Variants in GALNTL6 observed in about 807,000 individuals in gnomAD.
GALNTL6 encodes the protein polypeptide N-acetylgalactosaminyltransferase like 6.
GALNTL6 carries 46 observed loss-of-function variants against 73.7 expected under a neutral mutation model. The ratio of observed to expected loss-of-function variants is 0.62; its 90% CI spans 0.49 to 0.80. The LOEUF is 0.80. GALNTL6 is among the 30% of genes least tolerant of loss of function. GALNTL6 has a pLI of 0.00. For synonymous variants in GALNTL6, 259 were observed against 263.7 expected (o/e 0.98, Z 0.17); for missense variants, 604 against 755.0 (o/e 0.80, Z 2.34).
chr4:172,476,374 C>T (rs199759052), intron 5 of GALNTL6, among the ~76,000 whole-genome samples: 1 of 152,158 alleles, frequency 6.6e-6, no homozygotes, highest in Non-Finnish European at 1.5e-5. Context: ...GCCCCACATC[C>T]CGATACCATC....
intron 5 of GALNTL6, among the ~76,000 whole-genome samples, chr4:172,795,495 T>C (rs140824956): frequency 1.3e-3 from 200 of 152,318 alleles, no homozygotes; most frequent in Non-Finnish European, 2.3e-3. Flanking sequence ...CTGACTTCCA[T>C]AGCAAATGAA....
chr4:172,077,198 G>T (rs981658062), intron 2 of GALNTL6, among the ~76,000 whole-genome samples: 4 of 152,326 alleles, frequency 2.6e-5, no homozygotes, highest in African/African-American at 9.6e-5. Flanking sequence ...TACTAGGAAA[G>T]TGGGGTGTTT....
chr4:172,916,704 C>T (rs146177957), intron 8 of GALNTL6, among the ~76,000 whole-genome samples: 369 of 152,196 alleles, frequency 2.4e-3, no homozygotes, highest in African/African-American at 7.5e-3. Context: ...TGTGAAGAAC[C>T]GTTTCAAGGA....
At chr4:172,735,676 A>C (rs1289424986) in intron 5 of GALNTL6, among the ~76,000 whole-genome samples, 5 of 152,066 alleles carry the variant, frequency 3.3e-5, no homozygotes, top group Non-Finnish European at 2.9e-5. Context: ...CTGCTTCCAA[A>C]TCTCATCTTG....
intron 5 of GALNTL6, among the ~76,000 whole-genome samples, chr4:172,754,956 C>T (rs972538818): frequency 6.6e-5 from 10 of 152,030 alleles, no homozygotes; most frequent in African/African-American, 2.4e-4. Flanking sequence ...CTCAGTCCAA[C>T]TCTTGTGTCA....
intron 2 of GALNTL6, among the ~76,000 whole-genome samples, chr4:172,013,387 A>T (rs1020271953): frequency 3.3e-5 from 5 of 152,054 alleles, no homozygotes; most frequent in African/African-American, 1.2e-4. Flanking sequence ...TTTAGCTCCC[A>T]CATATGGGTA....
At chr4:172,834,419 G>T (rs1479425308) in intron 7 of GALNTL6, among the ~76,000 whole-genome samples, 2 of 152,350 alleles carry the variant, frequency 1.3e-5, no homozygotes, top group South Asian at 4.1e-4. Context: ...GGCAATCAGG[G>T]AGAAGCTGGT....
chr4:171,994,573 C>T (rs1404907603), intron 2 of GALNTL6, among the ~76,000 whole-genome samples: 1 of 151,930 alleles, frequency 6.6e-6, no homozygotes, highest in African/African-American at 2.4e-5. Context: ...ACATTGTACA[C>T]TGCTCGAGTG....
intron 10 of GALNTL6, among the ~76,000 whole-genome samples, chr4:173,000,845 G>C (rs527282560): frequency 6.6e-6 from 1 of 152,132 alleles, no homozygotes; most frequent in Non-Finnish European, 1.5e-5. Context: ...GGGAAAACTG[G>C]ATATCCACTA....
intron 5 of GALNTL6, among the ~76,000 whole-genome samples, chr4:172,449,507 T>G (rs1433816572): frequency 6.6e-6 from 1 of 152,192 alleles, no homozygotes; most frequent in Non-Finnish European, 1.5e-5. Flanking sequence ...TGGCCAATTT[T>G]CTATCCTTAA....
chr4:172,820,854 A>T (rs548062324), intron 7 of GALNTL6, among the ~76,000 whole-genome samples: 51 of 152,332 alleles, frequency 3.3e-4, no homozygotes, highest in African/African-American at 1.2e-3. Context: ...CCAACCACAT[A>T]ATTCTCTATG....
intron 2 of GALNTL6, among the ~76,000 whole-genome samples, chr4:172,214,810 G>A (rs895115844): frequency 1.3e-5 from 2 of 151,994 alleles, no homozygotes; most frequent in African/African-American, 4.8e-5. Context: ...ACCGTGCCCG[G>A]CCTTTTGATT....
rs1056948960 is a variant in GALNTL6, at chr4:172,490,575, C to A, written c.553+141886C>A. On this transcript the variant is annotated intron_variant, in intron 5 of 12. Coordinates refer to ENST00000506823, the MANE Select transcript of GALNTL6 (RefSeq NM_001034845.3). ...ATGGCACAATATTTGGATGCTCATGCTACTCTATCTCACTTCTGAGATCAC... is the reference window on the plus strand; with the variant it reads ...ATGGCACAATATTTGGATGCTCATGATACTCTATCTCACTTCTGAGATCAC... Among the ~76,000 whole-genome samples, 8 of 152,086 alleles carry A rather than the reference C, an allele frequency of 5.3e-5. No homozygotes were observed. In the South Asian group the frequency reaches 6.2e-4, roughly 12 times the overall value.
At chr4:172,263,430 T>G (rs959663908) in intron 3 of GALNTL6, among the ~76,000 whole-genome samples, 3 of 151,492 alleles carry the variant, frequency 2.0e-5, no homozygotes, top group Admixed American at 6.6e-5. Context: ...TCCAGTGCAG[T>G]TTGCATTTTT....
intron 2 of GALNTL6, among the ~76,000 whole-genome samples, chr4:171,949,912 G>A (rs1031415046): frequency 5.9e-5 from 9 of 152,034 alleles, no homozygotes; most frequent in African/African-American, 1.2e-4. Context: ...AGGTTTGGGC[G>A]GGGACAATAT....
intron 3 of GALNTL6, among the ~76,000 whole-genome samples, chr4:172,255,347 C>T (rs1738036104): frequency 8.0e-6 from 1 of 125,278 alleles, no homozygotes; most frequent in Non-Finnish European, 1.8e-5. Context: ...TTGGTAGAGC[C>T]TGTTCAATTA....
chr4:173,002,744 G>A (rs921009506), intron 10 of GALNTL6, among the ~76,000 whole-genome samples: 2 of 145,930 alleles, frequency 1.4e-5, no homozygotes, highest in African/African-American at 2.5e-5. Flanking sequence ...GCAGTGAGCC[G>A]AGATCGGGCC....
chr4:172,954,399 C>G (rs1683986262), intron 10 of GALNTL6, among the ~76,000 whole-genome samples: 1 of 152,226 alleles, frequency 6.6e-6, no homozygotes, highest in South Asian at 2.1e-4. Context: ...TTTTACAACA[C>G]TTGCCTTATC....
rs114143506 is a variant in GALNTL6, at chr4:171,948,450, A to T, written c.138+133732A>T. ...TAAATAAAGCTGGGGTAAATTTGCC[A>T]CTAATGAAACTTCTGTGTAATTTAG... On this transcript the variant is annotated intron_variant, in intron 2 of 12. Coordinates refer to ENST00000506823, the MANE Select transcript of GALNTL6 (RefSeq NM_001034845.3). Among the ~76,000 whole-genome samples the T allele has an allele frequency of 6.6e-3, 1,011 of 152,304 alleles. 5 individuals are homozygous for T. The highest frequency in any genetic ancestry group is 9.6e-3 in the Non-Finnish European group (652 of 68,020).
Sources: allele counts gnomAD v4.1 joint callset (sites outside exome capture counted in the v4.1 genomes callset), GRCh38; gene constraint gnomAD v4.1.1; transcripts MANE v1.5; gene names NCBI Gene and HGNC (gene_info 2026-07-23, HGNC 2026-07-21).